Variants in CTNNA3 observed in about 807,000 individuals in gnomAD.
CTNNA3 encodes catenin alpha-3.
CTNNA3 carries 76 observed loss-of-function variants against 95.7 expected under a neutral mutation model. That is an observed-to-expected ratio of 0.79 (90% CI 0.66 to 0.96). CTNNA3 has a LOEUF of 0.96. Ranked by LOEUF, CTNNA3 falls within the 40% of genes least tolerant of loss-of-function variation. The pLI is 0.00. For synonymous variants in CTNNA3, 431 were observed against 374.4 expected, an observed-to-expected ratio of 1.15 and a Z score of -1.74; for missense variants, 1,191 against 1,089.8, an observed-to-expected ratio of 1.09 and a Z score of -1.31.
intron 7 of CTNNA3, among the ~76,000 whole-genome samples, chr10:66,861,593 T>C (rs1843930320): frequency 6.6e-6 from 1 of 152,190 alleles, no homozygotes; most frequent in African/African-American, 2.4e-5. Flanking sequence ...GATAGATGGA[T>C]ACATATTGTA....
At chr10:66,220,138 G>A (rs375858875) in intron 13 of CTNNA3, among the ~76,000 whole-genome samples, 2 of 151,822 alleles carry the variant, frequency 1.3e-5, no homozygotes, top group Non-Finnish European at 2.9e-5. Flanking sequence ...ATAATAATAA[G>A]AAGAAGAATA....
chr10:67,731,858 G>A (rs1841276450), intron 1 of CTNNA3, among the ~76,000 whole-genome samples: 1 of 147,522 alleles, frequency 6.8e-6, no homozygotes, highest in Admixed American at 6.8e-5. Flanking sequence ...ATTAGTTTTT[G>A]TTGTTGTTGT....
In CTNNA3 at chr10:66,500,276, T is replaced by A. The variant is rs2441750; in HGVS notation, c.1531+20341A>T. ...TAGTGAAATAGTGATAGTATAAATA[T>A]ATATCATGCTTTAATAAAGTATTTT... On this transcript the variant is annotated intron_variant, in intron 11 of 17. Transcript: ENST00000433211. Among the ~76,000 whole-genome samples the A allele has an allele frequency of 8.0e-3, 1,220 of 152,290 alleles. 19 individuals are homozygous for A. Among genetic ancestry groups the A allele is most frequent in the African/African-American group, 0.027 (1,141 of 41,562 alleles).
At chr10:66,814,459 C>T (rs772158216) in intron 7 of CTNNA3, among the ~76,000 whole-genome samples, 1 of 151,994 alleles carries the variant, frequency 6.6e-6, no homozygotes, top group African/African-American at 2.4e-5. Context: ...TGCAAAAAGA[C>T]GGGCTGGGTG....
intron 12 of CTNNA3, among the ~76,000 whole-genome samples, chr10:66,284,760 C>A (rs1412020313): frequency 6.6e-6 from 1 of 151,802 alleles, no homozygotes; most frequent in Non-Finnish European, 1.5e-5. Flanking sequence ...TCTAATTATA[C>A]CATTACCTTT....
intron 2 of CTNNA3, among the ~76,000 whole-genome samples, chr10:67,608,395 T>C (rs1473073454): frequency 2.0e-5 from 3 of 152,198 alleles, no homozygotes; most frequent in African/African-American, 7.2e-5. Context: ...AGATACATAA[T>C]TTTCTACTCT....
At chr10:65,944,696 G>A (rs1010049561) in intron 17 of CTNNA3, among the ~76,000 whole-genome samples, 5 of 152,082 alleles carry the variant, frequency 3.3e-5, no homozygotes, top group African/African-American at 1.2e-4. Context: ...ATATAGACAA[G>A]GAACTAAATA....
intron 7 of CTNNA3, among the ~76,000 whole-genome samples, chr10:67,127,113 G>A (rs546654069): frequency 8.6e-5 from 13 of 151,868 alleles, no homozygotes; most frequent in African/African-American, 1.7e-4. Flanking sequence ...TTATTTTCCC[G>A]CTTTATTTTG....
At chr10:67,581,064 T>G (rs1405904714) in intron 3 of CTNNA3, among the ~76,000 whole-genome samples, 1 of 152,244 alleles carries the variant, frequency 6.6e-6, no homozygotes, top group African/African-American at 2.4e-5. Context: ...TTCTCTTGCC[T>G]GATTGCCCTG....
intron 13 of CTNNA3, among the ~76,000 whole-genome samples, chr10:66,191,867 G>C (rs2086686306): frequency 6.6e-6 from 1 of 152,104 alleles, no homozygotes; most frequent in African/African-American, 2.4e-5. Context: ...ACCTTTAAGA[G>C]GTGATTAGGT....
intron 7 of CTNNA3, among the ~76,000 whole-genome samples, chr10:67,163,398 T>A (rs1861630398): frequency 6.6e-6 from 1 of 151,998 alleles, no homozygotes; most frequent in Non-Finnish European, 1.5e-5. Flanking sequence ...AAAAGGCATT[T>A]ATCTGACAAA....
intron 9 of CTNNA3, chr10:66,766,047 T>C: frequency 2.3e-6 from 1 of 427,780 alleles, no homozygotes; most frequent in Non-Finnish European, 4.2e-6. Flanking sequence ...AGTTCCTTTG[T>C]GAAGCTCTAA....
chr10:66,554,423 T>A (rs183685338), intron 10 of CTNNA3, among the ~76,000 whole-genome samples: 1,522 of 145,806 alleles, frequency 0.01, 26 homozygotes, highest in African/African-American at 0.036. Flanking sequence ...TCATAATTTT[T>A]AAAAAAAATA....
intron 11 of CTNNA3, among the ~76,000 whole-genome samples, chr10:66,431,254 T>C (rs555992417): frequency 6.6e-6 from 1 of 152,238 alleles, no homozygotes; most frequent in Non-Finnish European, 1.5e-5. Context: ...CAACAGGAGC[T>C]GGAGAGGATG....
chr10:67,103,800 TG>T (rs768061819), intron 7 of CTNNA3, among the ~76,000 whole-genome samples: 1 of 151,714 alleles, frequency 6.6e-6, no homozygotes, highest in African/African-American at 2.4e-5. Flanking sequence ...ATTCTTATTC[TG>T]AACACAGCAG....
chr10:67,544,963 A>G (rs1840794340), intron 3 of CTNNA3, among the ~76,000 whole-genome samples: 1 of 152,212 alleles, frequency 6.6e-6, no homozygotes, highest in African/African-American at 2.4e-5. Flanking sequence ...ATGGAAGGAC[A>G]TGAGCAGCCA....
chr10:66,275,320 G>C (rs1246352084), intron 13 of CTNNA3, among the ~76,000 whole-genome samples: 2 of 152,184 alleles, frequency 1.3e-5, no homozygotes, highest in Non-Finnish European at 2.9e-5. Flanking sequence ...GCTTCATCAT[G>C]TTGGCCAGGC....
intron 7 of CTNNA3, among the ~76,000 whole-genome samples, chr10:67,179,337 A>G (rs1862393008): frequency 6.6e-6 from 1 of 151,986 alleles, no homozygotes; most frequent in Admixed American, 6.6e-5. Flanking sequence ...TATAAATATT[A>G]CCAAGATTTG....
At chr10:65,985,056 T>G (rs189994693) in intron 16 of CTNNA3, among the ~76,000 whole-genome samples, 1 of 151,220 alleles carries the variant, frequency 6.6e-6, no homozygotes, top group Non-Finnish European at 1.5e-5. Flanking sequence ...TCTTTATTAT[T>G]AGGAATGTTA....
Sources: gnomAD v4.1 joint callset for allele counts (sites outside exome capture counted in the v4.1 genomes callset) on GRCh38, gnomAD v4.1.1 for gene constraint, MANE v1.5 for transcripts, NCBI Gene and HGNC (gene_info 2026-07-23, HGNC 2026-07-21) for gene names.